Variants in MCC observed in about 807,000 individuals in gnomAD.
MCC encodes MCC regulator of Wnt signaling pathway.
Under a neutral mutation model 116.2 loss-of-function variants are expected in MCC, and 90 were observed. The observed-to-expected ratio is 0.77, with a 90% CI of 0.65 to 0.92. The LOEUF (loss-of-function observed/expected upper bound fraction) is 0.92. MCC is among the 40% of genes least tolerant of loss of function. The probability of loss-of-function intolerance (pLI) is 0.00; values close to 1 mark genes in which losing one functional copy is unlikely to be tolerated. For synonymous variants in MCC, 578 were observed against 510.5 expected (o/e 1.13, Z -1.78); for missense variants, 1,516 against 1,312.2 (o/e 1.16, Z -2.40).
chr5:113,234,123 G>C (rs1389690751), intron 3 of MCC, among the ~76,000 whole-genome samples: 1 of 152,094 alleles, frequency 6.6e-6, no homozygotes, highest in Non-Finnish European at 1.5e-5. Flanking sequence ...AAATTTGGTG[G>C]TGCTTATTTT....
chr5:113,354,771 C>A (rs116266585), intron 2 of MCC, among the ~76,000 whole-genome samples: 5,736 of 94,312 alleles, frequency 0.061, 370 homozygotes, highest in African/African-American at 0.2. Flanking sequence ...CTATGATCAA[C>A]CATATACCCT....
intron 1 of MCC, among the ~76,000 whole-genome samples, chr5:113,419,371 T>C (rs1290450660): frequency 6.6e-6 from 1 of 151,328 alleles, no homozygotes; most frequent in East Asian, 1.9e-4. Flanking sequence ...TTTTCTTTTT[T>C]TTTTCTTGGT....
rs77250212 is a variant in MCC, at chr5:113,211,570, C to T, written c.628-60148G>A. 8.5e-3 allele frequency among the ~76,000 whole-genome samples: 1,291 copies of T among 152,290 alleles called. 21 individuals are homozygous for T. The highest frequency in any genetic ancestry group is 0.03 in the African/African-American group (1,238 of 41,550). ...TAATGCTGACAAAGGAATCCTGCTC[C>T]ATGTTAACTTTTCATGTAAGGTACT... is the stretch of plus-strand genomic sequence containing the variant. On this transcript the variant is annotated intron_variant, in intron 3 of 18. Transcript: ENST00000408903.
At chr5:113,264,511 A>G (rs982180227) in intron 3 of MCC, among the ~76,000 whole-genome samples, 1 of 152,138 alleles carries the variant, frequency 6.6e-6, no homozygotes, top group Non-Finnish European at 1.5e-5. Context: ...CTTACACTCA[A>G]TGAGAGCTAT....
intron 3 of MCC, among the ~76,000 whole-genome samples, chr5:113,248,839 T>C (rs917377024): frequency 6.7e-6 from 1 of 148,958 alleles, no homozygotes; most frequent in Non-Finnish European, 1.5e-5. Context: ...CTTCTTTTTT[T>C]TTTTTTGAGA....
chr5:113,089,897 C>A (rs1755474497), intron 8 of MCC, among the ~76,000 whole-genome samples: 1 of 152,150 alleles, frequency 6.6e-6, no homozygotes, highest in Non-Finnish European at 1.5e-5. Flanking sequence ...AGAAGCTGAT[C>A]TTTTCGGAAA....
At position 113,294,691 on chromosome 5, in the gene MCC, G is replaced by A. The variant is rs975892604; in HGVS notation, c.627+45828C>T. On this transcript the variant is annotated intron_variant, in intron 3 of 18. Transcript: ENST00000408903. ...GCGCGCACCCAGCGCCCCGTTCCGG[G>A]GCAGTGCCACCCTGGGCGCCGCCTC... 8 of 1,034,166 alleles carry A rather than the reference G, an allele frequency of 7.7e-6. No homozygotes were observed. In the African/African-American group the frequency reaches 1.2e-4, roughly 15 times the overall value. The allele number at this position is 1,034,166 out of a possible 1,614,324, so 64.1% of individuals were successfully genotyped here.
chr5:113,409,841 G>A (rs1769931697), intron 1 of MCC, among the ~76,000 whole-genome samples: 1 of 152,064 alleles, frequency 6.6e-6, no homozygotes, highest in Non-Finnish European at 1.5e-5. Flanking sequence ...CGAGACTACG[G>A]TCTCACATTT....
chr5:113,483,131 G>A (rs1772422600), intron 1 of MCC, among the ~76,000 whole-genome samples: 1 of 152,096 alleles, frequency 6.6e-6, no homozygotes, highest in Admixed American at 6.6e-5. Flanking sequence ...TGACCTATTT[G>A]TGTATCGTTA....
intron 2 of MCC, among the ~76,000 whole-genome samples, chr5:113,370,631 A>T (rs1768815234): frequency 6.6e-6 from 1 of 152,240 alleles, no homozygotes; most frequent in Non-Finnish European, 1.5e-5. Flanking sequence ...TAGAATATGG[A>T]CTGATCCATA....
At chr5:113,462,273 C>T (rs758640006) in intron 1 of MCC, among the ~76,000 whole-genome samples, 2 of 152,194 alleles carry the variant, frequency 1.3e-5, no homozygotes, top group Non-Finnish European at 1.5e-5. Flanking sequence ...GCCTTGCCTC[C>T]TTTTAAAACA....
intron 3 of MCC, among the ~76,000 whole-genome samples, chr5:113,225,763 A>G (rs1041681688): frequency 3.9e-5 from 6 of 152,232 alleles, no homozygotes; most frequent in Non-Finnish European, 7.3e-5. Context: ...AGCAGTGAGA[A>G]CAATGGAATG....
At chr5:113,487,813 G>C (rs1772580920) in intron 1 of MCC, among the ~76,000 whole-genome samples, 1 of 152,170 alleles carries the variant, frequency 6.6e-6, no homozygotes, top group South Asian at 2.1e-4. Context: ...TCTCCTCCCG[G>C]TGCGGCCCTG....
chr5:113,426,910 C>T (rs73236486), intron 1 of MCC, among the ~76,000 whole-genome samples: 2,034 of 152,254 alleles, frequency 0.013, 57 homozygotes, highest in African/African-American at 0.046. Context: ...CTCAGTACTC[C>T]TGTTTGGAGT....
chr5:113,406,955 C>A (rs773634393), intron 1 of MCC, among the ~76,000 whole-genome samples: 1 of 152,086 alleles, frequency 6.6e-6, no homozygotes, highest in Non-Finnish European at 1.5e-5. Context: ...TCAATTGTAG[C>A]AGAATAGATA....
rs1335505807 is a variant in MCC at position 113,450,068 on chromosome 5, T to C, written c.170+38177A>G. Among the ~76,000 whole-genome samples, 4 of 152,176 alleles carry C rather than the reference T, an allele frequency of 2.6e-5. No individual in the cohort carries two copies. The East Asian group carries it at 7.7e-4, about 29-fold the overall frequency. ...CAAATAATTTATTGAATTTTAAAGA[T>C]AAAGATAAGAGTTTACGGACATTGG... On this transcript the variant is annotated intron_variant, in intron 1 of 18. Transcript: ENST00000408903.
chr5:113,101,745 C>A lies in MCC; in HGVS notation c.1392G>T (p.Arg464=). 6.2e-7 allele frequency: 1 copy of A among 1,613,208 alleles called. No individual in the cohort carries two copies. Among genetic ancestry groups the A allele is most frequent in the South Asian group, 1.1e-5 (1 of 91,084 alleles). The change falls in exon 8 of 19, where the codon CGG becomes CGT. Residue 464 remains arginine (R), a synonymous_variant. Transcript: ENST00000408903. ...ATGGATGCAGCATGCTCACCCTCCT[C>A]CGGAGCCGGTCCCGCTCTTCCCGGA... ...NAIREERDRL[R]RRVRELQTRL... is the part of the protein sequence containing the mutation.
rs201103634 is a variant in MCC at position 113,434,301 on chromosome 5, G to A, written c.171-49089C>T. 1.4e-4 allele frequency: 233 copies of A among 1,614,098 alleles called. 1 individual carries two copies. The highest frequency in any genetic ancestry group is 6.6e-5 in the South Asian group (6 of 91,066). ...CTGCAGCACCTCTGGGGCCGCATAC[G>A]CTGGTGACCCACAGAAGGTCTTGCT... is the stretch of plus-strand genomic sequence containing the variant. On this transcript the variant is annotated intron_variant, in intron 1 of 18. Transcript: ENST00000408903. This position sits in a 1 kb window ranked among gnomAD's most constrained non-coding sequence, Gnocchi z 4.2.
Position 113,155,462 on chromosome 5 carries a change from C to A in MCC, c.628-4040G>T, listed in dbSNP as rs76156137. ...AAGGGTTTTTTTAGGAACCTCCACA[C>A]TGTTTTCCATAATGGTTGTCCTAAT... On this transcript the variant is annotated intron_variant, in intron 3 of 18. Coordinates refer to ENST00000408903, the MANE Select transcript of MCC (RefSeq NM_001085377.2). Among the ~76,000 whole-genome samples, 1,111 of 152,294 alleles carry A rather than the reference C, an allele frequency of 7.3e-3. 18 individuals are homozygous for A. Among genetic ancestry groups the A allele is most frequent in the African/African-American group, 0.026 (1,063 of 41,550 alleles).
Sources: gnomAD v4.1 joint callset for allele counts (sites outside exome capture counted in the v4.1 genomes callset) on GRCh38, gnomAD v4.1.1 for gene constraint, Gnocchi (gnomAD v3.1) non-coding constraint, MANE v1.5 for transcripts, NCBI Gene and HGNC (gene_info 2026-07-23, HGNC 2026-07-21) for gene names.